SYT16: variants seen among roughly 807,000 people sequenced by gnomAD.
SYT16 encodes the protein synaptotagmin-16.
In SYT16, 42 loss-of-function variants were observed where a neutral mutation model predicts 61.4. That is an observed-to-expected ratio of 0.68 (90% CI 0.53 to 0.89). The LOEUF (loss-of-function observed/expected upper bound fraction) is 0.89, where lower values mean the gene tolerates loss of function less well. Ranked by LOEUF, SYT16 falls within the 40% of genes least tolerant of loss-of-function variation. SYT16 has a pLI of 0.00. For synonymous variants in SYT16, 314 were observed against 302.3 expected (o/e 1.04, Z -0.40); for missense variants, 804 against 807.3 (o/e 1.00, Z 0.05).
At chr14:61,907,334 A>C (rs2048761732) in intron 1 of SYT16, among the ~76,000 whole-genome samples, 1 of 152,226 alleles carries the variant, frequency 6.6e-6, no homozygotes, top group Admixed American at 6.5e-5. Context: ...TACCAATGAA[A>C]ATGTACTTCA....
At chr14:62,034,336 C>G (rs1019322383) in intron 3 of SYT16, among the ~76,000 whole-genome samples, 1 of 152,174 alleles carries the variant, frequency 6.6e-6, no homozygotes, top group Non-Finnish European at 1.5e-5. Context: ...TAGAACCCAG[C>G]AGTGCCACTC....
chr14:61,972,656 A>G (rs941773294), intron 2 of SYT16, among the ~76,000 whole-genome samples: 3 of 152,176 alleles, frequency 2.0e-5, no homozygotes, highest in African/African-American at 7.2e-5. Flanking sequence ...CTAACCTTTG[A>G]TATTTGCCTT....
chr14:61,927,917 A>G (rs1484279664), intron 1 of SYT16, among the ~76,000 whole-genome samples: 1 of 152,062 alleles, frequency 6.6e-6, no homozygotes, highest in Non-Finnish European at 1.5e-5. Context: ...TTTCTCAAGG[A>G]AATATCATGC....
At chr14:62,008,631 C>CTTTTTTT (rs374026559) in intron 3 of SYT16, among the ~76,000 whole-genome samples, 2 of 134,940 alleles carry the variant, frequency 1.5e-5, no homozygotes, top group Non-Finnish European at 3.2e-5. Flanking sequence ...TTTCTGTTTT[C>CTTTTTTT]TTTTTTTTTT....
chr14:61,958,313 A>G lies in SYT16; in HGVS notation c.-324-11819A>G, dbSNP rs550193817. Among the ~76,000 whole-genome samples the G allele has an allele frequency of 1.5e-4, 23 of 151,244 alleles. No individual in the cohort carries two copies. In the South Asian group the frequency reaches 4.6e-3, roughly 30 times the overall value. ...CCTTTACTATTTTCTTCCTTCTGCT[A>G]ATTTTTTGTTTAGTATTTTTTTATT... is the stretch of plus-strand genomic sequence containing the variant. On this transcript the variant is annotated intron_variant, in intron 1 of 7. Coordinates refer to ENST00000683842, the MANE Select transcript of SYT16 (RefSeq NM_001367656.1).
intron 1 of SYT16, among the ~76,000 whole-genome samples, chr14:61,890,281 T>G (rs1433899550): frequency 6.6e-6 from 1 of 151,922 alleles, no homozygotes; most frequent in East Asian, 1.9e-4. Context: ...GCCAGGGGAG[T>G]TCCCAGAGCT....
chr14:62,089,615 A>G (rs964944514), intron 7 of SYT16, among the ~76,000 whole-genome samples: 6 of 152,246 alleles, frequency 3.9e-5, no homozygotes, highest in South Asian at 4.1e-4. Context: ...TAAGTACGGT[A>G]GCAGCATGAA....
At chr14:62,049,405 A>G in intron 3 of SYT16, among the ~76,000 whole-genome samples, 1 of 152,164 alleles carries the variant, frequency 6.6e-6, no homozygotes, top group Non-Finnish European at 1.5e-5. Flanking sequence ...AATACAGCAC[A>G]TTGATGGGTG....
At chr14:62,062,300 G>T (rs779344702) in intron 3 of SYT16, among the ~76,000 whole-genome samples, 2 of 152,094 alleles carry the variant, frequency 1.3e-5, no homozygotes, top group African/African-American at 4.8e-5. Flanking sequence ...TCTATTTGAG[G>T]GGGGGATGAG....
intron 1 of SYT16, among the ~76,000 whole-genome samples, chr14:61,941,117 C>T (rs1394716552): frequency 1.3e-5 from 2 of 152,142 alleles, no homozygotes; most frequent in Non-Finnish European, 2.9e-5. Context: ...GATCTATAGA[C>T]AAACACATGC....
At chr14:61,991,133 A>G (rs750352840) in intron 2 of SYT16, among the ~76,000 whole-genome samples, 14 of 152,074 alleles carry the variant, frequency 9.2e-5, no homozygotes, top group Non-Finnish European at 1.9e-4. Context: ...CATGTTTGTG[A>G]TAGAAGCTTG....
At chr14:62,057,849 T>C (rs2055634028) in intron 3 of SYT16, among the ~76,000 whole-genome samples, 1 of 152,202 alleles carries the variant, frequency 6.6e-6, no homozygotes, top group African/African-American at 2.4e-5. Flanking sequence ...TTTTGACATA[T>C]TGTACTTGTG....
intron 3 of SYT16, among the ~76,000 whole-genome samples, chr14:61,998,812 T>C (rs186326847): frequency 1.1e-3 from 166 of 152,052 alleles, no homozygotes; most frequent in African/African-American, 3.9e-3. Context: ...GTAGATGCTC[T>C]TTATTATGGT....
intron 7 of SYT16, among the ~76,000 whole-genome samples, chr14:62,091,080 TCATA>T: frequency 6.6e-6 from 1 of 152,104 alleles, no homozygotes; most frequent in East Asian, 1.9e-4. Flanking sequence ...CACAGTCAAA[TCATA>T]TCACATGGTA....
chr14:61,818,503 C>A (rs2045511240), intron 1 of SYT16, among the ~76,000 whole-genome samples: 1 of 152,004 alleles, frequency 6.6e-6, no homozygotes, highest in Non-Finnish European at 1.5e-5. Context: ...CATGGTGAAA[C>A]CCCATCTCTA....
At chr14:61,960,658 T>A (rs552840300) in intron 1 of SYT16, among the ~76,000 whole-genome samples, 34 of 152,290 alleles carry the variant, frequency 2.2e-4, no homozygotes, top group Middle Eastern at 3.4e-3. Flanking sequence ...ATGGATAGTT[T>A]GACTTCCTCT....
intron 1 of SYT16, among the ~76,000 whole-genome samples, chr14:61,932,082 C>A (rs1176027930): frequency 6.6e-6 from 1 of 152,204 alleles, no homozygotes; most frequent in Non-Finnish European, 1.5e-5. Context: ...TGGAACTGGA[C>A]ACTGCTTTAA....
intron 1 of SYT16, among the ~76,000 whole-genome samples, chr14:61,840,172 A>T (rs976083962): frequency 5.9e-5 from 9 of 152,216 alleles, no homozygotes; most frequent in African/African-American, 2.2e-4. Flanking sequence ...AATCACATTG[A>T]GACAGAAGAT....
intron 3 of SYT16, among the ~76,000 whole-genome samples, chr14:62,042,559 G>T (rs2054777968): frequency 6.6e-6 from 1 of 152,150 alleles, no homozygotes; most frequent in Non-Finnish European, 1.5e-5. Flanking sequence ...TTCCATTCTA[G>T]TTGGAACAGG....
Sources: allele counts gnomAD v4.1 joint callset (sites outside exome capture counted in the v4.1 genomes callset), GRCh38; gene constraint gnomAD v4.1.1; transcripts MANE v1.5; gene names NCBI Gene and HGNC (gene_info 2026-07-23, HGNC 2026-07-21).